Variants in KIAA0825 observed in about 807,000 individuals in gnomAD.
KIAA0825 encodes KIAA0825.
Under a neutral mutation model 147.6 loss-of-function variants are expected in KIAA0825, and 119 were observed. That is an observed-to-expected ratio of 0.81 (90% confidence interval 0.69 to 0.94). The LOEUF (loss-of-function observed/expected upper bound fraction) is 0.94. Among genes scored for constraint, KIAA0825 ranks in the 40% least tolerant of loss-of-function variants. KIAA0825 has a pLI of 0.00. For synonymous variants in KIAA0825, 470 were observed against 518.1 expected, an observed-to-expected ratio of 0.91 and a Z score of 1.26; for missense variants, 1,381 against 1,472.7, an observed-to-expected ratio of 0.94 and a Z score of 1.02.
intron 2 of KIAA0825, among the ~76,000 whole-genome samples, chr5:94,565,679 C>T (rs1778584224): frequency 6.6e-6 from 1 of 152,090 alleles, no homozygotes; most frequent in Non-Finnish European, 1.5e-5. Flanking sequence ...AAGTTAGACT[C>T]TTAAGAGAAA....
Position 94,437,740 on chromosome 5 carries a change from T to C in KIAA0825, c.2497+2242A>G, listed in dbSNP as rs995087568. Among the ~76,000 whole-genome samples the C allele has an allele frequency of 2.0e-5, 3 of 152,198 alleles. No homozygotes were observed. The East Asian group carries it at 5.8e-4, about 29-fold the overall frequency. On this transcript the variant is annotated intron_variant, in intron 14 of 20. Transcript: ENST00000682413. ...TTACAATCTATTCTCCATAACTCTA[T>C]CAGTAGGAGACCATTTCTCTTATAG...
Position 94,396,475 on chromosome 5 carries a change from A to G in KIAA0825, c.2922T>C (p.Ile974=). 2 of 1,521,674 alleles carry G rather than the reference A, an allele frequency of 1.3e-6. No homozygotes were observed. The highest frequency in any genetic ancestry group is 1.8e-6 in the Non-Finnish European group (2 of 1,134,568). The allele number at this position is 1,521,674 out of a possible 1,614,324, so 94.3% of individuals were successfully genotyped here. ...TCACCGTAGGTAACTTGCTGATTACAATAGATACTGCCTGAGCAGTAAGCC... is the reference window on the plus strand; with the variant it reads ...TCACCGTAGGTAACTTGCTGATTACGATAGATACTGCCTGAGCAGTAAGCC... ...FTRLTAQAVS[I]VISKLPTVIA... Residue 974 remains isoleucine, a synonymous_variant, in exon 17 of 21, where the codon ATT becomes ATC. Coordinates refer to ENST00000682413, the MANE Select transcript of KIAA0825 (RefSeq NM_001145678.3).
chr5:94,429,807 G>C (rs892061382), intron 14 of KIAA0825, among the ~76,000 whole-genome samples: 2 of 152,206 alleles, frequency 1.3e-5, no homozygotes, highest in African/African-American at 4.8e-5. Context: ...CACTCGGCTT[G>C]GAGCTGGGAA....
At chr5:94,182,346 G>A (rs1295820726) in intron 20 of KIAA0825, among the ~76,000 whole-genome samples, 1 of 129,620 alleles carries the variant, frequency 7.7e-6, no homozygotes, top group Non-Finnish European at 1.6e-5. Context: ...TGAAGCCTCC[G>A]CCTCCTGGGT....
intron 9 of KIAA0825, among the ~76,000 whole-genome samples, 155 bp from the exon 10 acceptor site, chr5:94,470,266 G>GA (rs916272701): frequency 2.8e-4 from 41 of 144,186 alleles, no homozygotes; most frequent in Middle Eastern, 3.5e-3. Context: ...TTCCAAAAAG[G>GA]AAAAAAAAAA....
intron 20 of KIAA0825, among the ~76,000 whole-genome samples, chr5:94,320,392 T>C (rs1033773910): frequency 1.3e-5 from 2 of 151,806 alleles, no homozygotes; most frequent in Non-Finnish European, 2.9e-5. Context: ...TTATTAACTA[T>C]TGTCACCCTA....
At chr5:94,219,658 T>C (rs1160073272) in intron 20 of KIAA0825, among the ~76,000 whole-genome samples, 2 of 152,184 alleles carry the variant, frequency 1.3e-5, no homozygotes, top group Non-Finnish European at 2.9e-5. Context: ...GCTACAAACC[T>C]GCACAGCAAG....
intron 10 of KIAA0825, among the ~76,000 whole-genome samples, chr5:94,469,016 A>G (rs997850002): frequency 4.6e-5 from 7 of 152,210 alleles, no homozygotes; most frequent in Non-Finnish European, 1.0e-4. Context: ...GCACATAATC[A>G]ATGAGATTTA....
In KIAA0825 at chr5:94,238,523, G is replaced by A. The variant is rs373116632; in HGVS notation, c.3711-84399C>T. On this transcript the variant is annotated intron_variant, in intron 20 of 20. Coordinates refer to ENST00000682413, the MANE Select transcript of KIAA0825 (RefSeq NM_001145678.3). Reference sequence around the variant, plus strand: ...TTGCCTTCATAAGTTAAGAGTTTTGGTTATGTTCACTTATGTTTTTCTAAT... The same window carrying A: ...TTGCCTTCATAAGTTAAGAGTTTTGATTATGTTCACTTATGTTTTTCTAAT... Among the ~76,000 whole-genome samples, 44 of 152,180 alleles carry A rather than the reference G, an allele frequency of 2.9e-4. 2 individuals are homozygous for A. The East Asian group carries it at 5.6e-3, about 19-fold the overall frequency.
intron 10 of KIAA0825, among the ~76,000 whole-genome samples, chr5:94,469,115 G>C (rs1023569047): frequency 1.3e-5 from 2 of 151,988 alleles, no homozygotes; most frequent in African/African-American, 4.8e-5. Context: ...CTTCAATTTG[G>C]GATTTCAAAA....
At chr5:94,442,950 G>A (rs900102352) in intron 13 of KIAA0825, among the ~76,000 whole-genome samples, 31 of 152,122 alleles carry the variant, frequency 2.0e-4, no homozygotes, top group African/African-American at 7.2e-4. Context: ...TGGTTGCAGT[G>A]TGGTGAATGG....
chr5:94,462,359 C>G (rs1759947397), intron 12 of KIAA0825, 28 bp downstream of exon 12: 1 of 1,165,158 alleles, frequency 8.6e-7, no homozygotes, highest in African/African-American at 1.6e-5. Flanking sequence ...ATCATAATAG[C>G]TAAAAGGAAA....
At chr5:94,444,222 G>A (rs1757457577) in intron 13 of KIAA0825, among the ~76,000 whole-genome samples, 1 of 152,024 alleles carries the variant, frequency 6.6e-6, no homozygotes, top group Non-Finnish European at 1.5e-5. Flanking sequence ...GGTGGGATGG[G>A]GGTATACACA....
In KIAA0825 at chr5:94,453,045, C is replaced by T. The variant is rs1380334983; in HGVS notation, c.2271G>A (p.Glu757=). ...ATGATTTTAAGGAATCTGAAGCAGACTCATCCAGGCCATGCTGAAAAGTCC... is the reference window on the plus strand; with the variant it reads ...ATGATTTTAAGGAATCTGAAGCAGATTCATCCAGGCCATGCTGAAAAGTCC... The part of the protein sequence containing the change: ...LYKTFQHGLD[E]SASDSLKSFF... Residue 757 remains glutamate (E), a synonymous_variant, in exon 13 of 21, where the codon GAG becomes GAA. Coordinates refer to ENST00000682413, the MANE Select transcript of KIAA0825 (RefSeq NM_001145678.3). The T allele has an allele frequency of 1.3e-6, 2 of 1,521,796 alleles. No individual in the cohort carries two copies. Among genetic ancestry groups the T allele is most frequent in the Non-Finnish European group, 1.8e-6 (2 of 1,135,968 alleles). The allele number at this position is 1,521,796 out of a possible 1,614,324, so 94.3% of individuals were successfully genotyped here.
At chr5:94,363,400 C>T (rs1745347695) in intron 20 of KIAA0825, among the ~76,000 whole-genome samples, 1 of 151,892 alleles carries the variant, frequency 6.6e-6, no homozygotes, top group South Asian at 2.1e-4. Context: ...GTCTTTTTCT[C>T]TTAAAACTCC....
intron 1 of KIAA0825, chr5:94,594,787 C>A: frequency 3.7e-6 from 2 of 536,100 alleles, no homozygotes; most frequent in Non-Finnish European, 3.6e-6. Context: ...GAAGTCGAAT[C>A]ATGATTGTAG....
In KIAA0825 at chr5:94,520,569, T is replaced by C. The variant is rs1767977588; in HGVS notation, c.649A>G (p.Asn217Asp). 6.2e-7 allele frequency: 1 copy of C among 1,613,350 alleles called. No homozygotes were observed. Among genetic ancestry groups the C allele is most frequent in the Non-Finnish European group, 8.5e-7 (1 of 1,179,548 alleles). ...CACAGAAGATTAGCCAACAGTTTATTCTGTATGTTTTGGTATTTGATTATA... is the reference window on the plus strand; with the variant it reads ...CACAGAAGATTAGCCAACAGTTTATCCTGTATGTTTTGGTATTTGATTATA... The part of the protein sequence containing the change: ...EVIIKYQNIQ[N>D]KLLANLLWNC... The change falls in exon 5 of 21, where the codon AAT becomes GAT. Residue 217 changes from asparagine to aspartate, a missense_variant. Transcript: ENST00000682413.
intron 5 of KIAA0825, among the ~76,000 whole-genome samples, chr5:94,498,668 T>A (rs1395282058): frequency 2.0e-5 from 3 of 152,218 alleles, no homozygotes; most frequent in Non-Finnish European, 2.9e-5. Context: ...ACTTCTAAGT[T>A]CAGAGTCCTG....
intron 5 of KIAA0825, among the ~76,000 whole-genome samples, chr5:94,510,239 A>G (rs1375432804): frequency 6.6e-6 from 1 of 152,212 alleles, no homozygotes; most frequent in Non-Finnish European, 1.5e-5. Context: ...AGTAAGACCA[A>G]GTTATGGAAT....
Sources: allele counts gnomAD v4.1 joint callset (sites outside exome capture counted in the v4.1 genomes callset), GRCh38; gene constraint gnomAD v4.1.1; transcripts MANE v1.5; gene names NCBI Gene and HGNC (gene_info 2026-07-23, HGNC 2026-07-21).